The following CCDC149 variants were observed in gnomAD, a reference collection of about 807,000 sequenced individuals.
The protein encoded by CCDC149 is coiled-coil domain containing 149.
Under a neutral mutation model 59.9 loss-of-function variants are expected in CCDC149, and 45 were observed. The ratio of observed to expected loss-of-function variants is 0.75; its 90% CI spans 0.59 to 0.96. CCDC149 has a LOEUF of 0.96. Among genes scored for constraint, CCDC149 ranks in the 40% least tolerant of loss-of-function variants. CCDC149 has a pLI of 0.00. For synonymous variants in CCDC149, 245 were observed against 260.6 expected (o/e 0.94, Z 0.58); for missense variants, 584 against 664.7 (o/e 0.88, Z 1.33).
intron 2 of CCDC149, among the ~76,000 whole-genome samples, chr4:24,874,244 G>GTTGTTTTTTTT (rs1719241446): frequency 1.1e-5 from 1 of 87,488 alleles, no homozygotes; most frequent in African/African-American, 5.8e-5. Flanking sequence ...TATTAGATTT[G>GTTGTTTTTTTT]TTTTTTTTTT....
intron 4 of CCDC149, among the ~76,000 whole-genome samples, chr4:24,852,179 T>C (rs1054375097): frequency 2.0e-5 from 3 of 151,926 alleles, no homozygotes; most frequent in Non-Finnish European, 4.4e-5. Flanking sequence ...AATGGCTCCT[T>C]CTAATAACCA....
chr4:24,916,486 A>G (rs768682578), upstream of CCDC149, among the ~76,000 whole-genome samples: 3 of 152,200 alleles, frequency 2.0e-5, no homozygotes, highest in Non-Finnish European at 2.9e-5. Flanking sequence ...ACTTGCATGA[A>G]GACTCTGGCC....
At position 24,956,304 on chromosome 4, in the gene CCDC149, G is replaced by C. The variant is rs115066389; in HGVS notation, c.-65+23765C>G. On this transcript the variant is annotated intron_variant, in intron 1 of 12. Transcript: ENST00000389609. ...GATAGTTCCAACTCACCCTCTCAGT[G>C]ACCCTCTATTAACATATGTAAAGAC... is the stretch of plus-strand genomic sequence containing the variant. Among the ~76,000 whole-genome samples the C allele has an allele frequency of 4.3e-3, 654 of 152,068 alleles. 3 individuals carry two copies. Among genetic ancestry groups the C allele is most frequent in the African/African-American group, 0.015 (618 of 41,478 alleles).
intron 1 of CCDC149, among the ~76,000 whole-genome samples, chr4:24,946,532 C>T (rs1481935267): frequency 2.0e-5 from 3 of 152,070 alleles, no homozygotes; most frequent in Admixed American, 1.3e-4. Flanking sequence ...CAACAAATGG[C>T]GGGTACTTGG....
At position 24,945,273 on chromosome 4, in the gene CCDC149, G is replaced by A. The variant is rs113349767; in HGVS notation, c.-65+34796C>T. 1.7e-3 allele frequency among the ~76,000 whole-genome samples: 263 copies of A among 152,310 alleles called. 2 individuals are homozygous for A. Among genetic ancestry groups the A allele is most frequent in the African/African-American group, 6.1e-3 (253 of 41,566 alleles). On this transcript the variant is annotated intron_variant, in intron 1 of 12. Transcript: ENST00000389609. ...CTTATTTGGAAACAGAGGTTTTGCA[G>A]ATGTAACTGGTGAAGATGAGGTCAC...
At chr4:24,863,447 C>T (rs1257601502) in intron 3 of CCDC149, among the ~76,000 whole-genome samples, 2 of 152,170 alleles carry the variant, frequency 1.3e-5, no homozygotes, top group Admixed American at 6.5e-5. Flanking sequence ...AGGAAAAGGC[C>T]AATATTTCAG....
chr4:24,816,445 CAAAAAAAGGTTACT>C (rs1715020298), intron 12 of CCDC149, among the ~76,000 whole-genome samples: 1 of 151,702 alleles, frequency 6.6e-6, no homozygotes, highest in Admixed American at 6.6e-5. Flanking sequence ...TATCAGGAGA[CAAAAAAAGGTTACT>C]AAAAATGTCA....
intron 3 of CCDC149, among the ~76,000 whole-genome samples, chr4:24,854,831 C>T (rs1393496723): frequency 1.3e-5 from 2 of 152,150 alleles, no homozygotes; most frequent in Non-Finnish European, 2.9e-5. Context: ...AGTGCCAGGG[C>T]CCTATTCTCT....
At chr4:24,919,944 T>A (rs976862770) in intron 1 of CCDC149, among the ~76,000 whole-genome samples, 6 of 152,342 alleles carry the variant, frequency 3.9e-5, no homozygotes, top group South Asian at 2.1e-4. Context: ...CCCCTTGCTA[T>A]ACAAGAGAAG....
At chr4:24,853,653 G>C (rs577306998) in intron 3 of CCDC149, among the ~76,000 whole-genome samples, 110 of 151,078 alleles carry the variant, frequency 7.3e-4, no homozygotes, top group African/African-American at 2.5e-3. Context: ...AAAGGACATA[G>C]AGTTCAATTG....
At chr4:24,959,940 G>A (rs1048925824) in intron 1 of CCDC149, among the ~76,000 whole-genome samples, 3 of 152,108 alleles carry the variant, frequency 2.0e-5, no homozygotes, top group Admixed American at 1.3e-4. Context: ...AAATGATACC[G>A]GATGGAAATA....
intron 3 of CCDC149, among the ~76,000 whole-genome samples, chr4:24,856,646 A>G (rs926829192): frequency 6.6e-6 from 1 of 152,248 alleles, no homozygotes; most frequent in Non-Finnish European, 1.5e-5. Context: ...TCAAGGCCAC[A>G]AGAGCAGGCT....
In CCDC149 at chr4:24,876,595, T is replaced by C; in HGVS notation, c.166A>G (p.Met56Val). 1 of 1,613,770 alleles carries C rather than the reference T, an allele frequency of 6.2e-7. No homozygotes were observed. The highest frequency in any genetic ancestry group is 1.1e-5 in the South Asian group (1 of 91,064). ...TGGCGCTCCCGGAGCTGATTGGCCATGAGTTTGTACTGGTCCCTTTCCTGT... is the reference window on the plus strand; with the variant it reads ...TGGCGCTCCCGGAGCTGATTGGCCACGAGTTTGTACTGGTCCCTTTCCTGT... Residue 56 changes from methionine (M) to valine (V), a missense_variant, in exon 2 of 13, where the codon ATG (methionine) becomes GTG (valine). By Grantham distance (21) the Met-to-Val change is conservative. Transcript: ENST00000635206.
At chr4:24,815,257 G>T (rs116395530) in intron 12 of CCDC149, among the ~76,000 whole-genome samples, 3,818 of 152,180 alleles carry the variant, frequency 0.025, 150 homozygotes, top group African/African-American at 0.087. Flanking sequence ...TTCTTAAAAT[G>T]GTACTTTTGA....
upstream of CCDC149, among the ~76,000 whole-genome samples, chr4:24,915,578 A>G (rs1456038253): frequency 6.6e-6 from 1 of 152,238 alleles, no homozygotes. Context: ...TCCTTCTCCG[A>G]AATAAGTCAG....
At chr4:24,967,764 C>T (rs371433982) in intron 1 of CCDC149, among the ~76,000 whole-genome samples, 29 of 151,802 alleles carry the variant, frequency 1.9e-4, no homozygotes, top group South Asian at 8.4e-4. Flanking sequence ...TTAGAAGTGG[C>T]GGCGCCCCTC....
At chr4:24,904,121 T>C (rs1290540276) in intron 1 of CCDC149, among the ~76,000 whole-genome samples, 3 of 152,196 alleles carry the variant, frequency 2.0e-5, no homozygotes, top group Non-Finnish European at 4.4e-5. Context: ...TTTTCAAAAA[T>C]TTCATGTATA....
At chr4:24,914,385 GA>G (rs201825269), upstream of CCDC149, among the ~76,000 whole-genome samples, 1,279 of 120,082 alleles carry the variant, frequency 0.011, 13 homozygotes, top group Middle Eastern at 0.028. Flanking sequence ...TGTGTTACCA[GA>G]AAAAAAAAAA....
intron 1 of CCDC149, among the ~76,000 whole-genome samples, chr4:24,957,616 G>A (rs1400629903): frequency 2.0e-5 from 3 of 152,086 alleles, no homozygotes; most frequent in Admixed American, 1.3e-4. Context: ...CTTACATCAC[G>A]GGTTAGCAAA....
Sources: gnomAD v4.1 joint callset for allele counts (sites outside exome capture counted in the v4.1 genomes callset) on GRCh38, gnomAD v4.1.1 for gene constraint, MANE v1.5 for transcripts, NCBI Gene and HGNC (gene_info 2026-07-23, HGNC 2026-07-21) for gene names.